FANCI: variants seen among roughly 807,000 people sequenced by gnomAD.
FANCI encodes FA complementation group I.
FANCI carries 156 observed loss-of-function variants against 176.1 expected under a neutral mutation model. That is an observed-to-expected ratio of 0.89 (90% CI 0.78 to 1.01). The LOEUF is 1.01. Ranked by LOEUF, FANCI falls within the 50% of genes least tolerant of loss-of-function variation. The pLI is 0.00. For missense variants in FANCI, 1,678 were observed against 1,534.1 expected, an observed-to-expected ratio of 1.09 and a Z score of -1.57; for synonymous variants, 613 against 541.7, an observed-to-expected ratio of 1.13 and a Z score of -1.83.
intron 37 of FANCI, 57 bp downstream of exon 37, chr15:89,315,446 A>G: frequency 2.5e-6 from 3 of 1,219,654 alleles, no homozygotes; most frequent in South Asian, 2.4e-5. Context: ...TTAGCAGCCT[A>G]TCTGGGAGCA....
intron 24 of FANCI, 130 bp downstream of exon 24, chr15:89,295,224 T>A: frequency 1.9e-6 from 2 of 1,074,688 alleles, no homozygotes; most frequent in Non-Finnish European, 2.6e-6. Context: ...TATAAAACAT[T>A]AGCCAGGTGG....
chr15:89,310,237 T>C (rs7162771), intron 34 of FANCI, among the ~76,000 whole-genome samples: 70,758 of 152,068 alleles, frequency 0.47, 17,362 homozygotes, highest in African/African-American at 0.63. Context: ...CAGCCATAGA[T>C]AACTTACAAA....
chr15:89,253,512 A>AAAATAAATAAATAAAT (rs10691127), intron 2 of FANCI, among the ~76,000 whole-genome samples: 1 of 138,582 alleles, frequency 7.2e-6, no homozygotes, highest in Non-Finnish European at 1.5e-5. Context: ...CTGTCTCTTA[A>AAAATAAATAAATAAAT]AAATAAATAA....
chr15:89,286,502 G>A (rs1356252353), intron 18 of FANCI, among the ~76,000 whole-genome samples: 1 of 152,186 alleles, frequency 6.6e-6, no homozygotes, highest in African/African-American at 2.4e-5. Context: ...TTCCATCAGA[G>A]CTCTTAGATG....
At chr15:89,292,649 A>G (rs1439205966) in intron 20 of FANCI, 39 bp from the exon 21 acceptor site, 4 of 1,594,500 alleles carry the variant, frequency 2.5e-6, no homozygotes, top group Non-Finnish European at 2.6e-6. Flanking sequence ...TTATCCATCA[A>G]CACTCAAGAG....
chr15:89,256,844 T>C (rs1308718797), intron 2 of FANCI, among the ~76,000 whole-genome samples: 1 of 152,200 alleles, frequency 6.6e-6, no homozygotes, highest in African/African-American at 2.4e-5. Flanking sequence ...AAACAGATGG[T>C]GCCACTATCC....
At chr15:89,311,700 A>G (rs148875849) in intron 34 of FANCI, among the ~76,000 whole-genome samples, 1 of 152,010 alleles carries the variant, frequency 6.6e-6, no homozygotes, top group Non-Finnish European at 1.5e-5. Context: ...GCAGTTCCTT[A>G]TTTTCCAGAA....
At chr15:89,285,705 T>C (rs2053788667) in intron 18 of FANCI, among the ~76,000 whole-genome samples, 6 of 150,812 alleles carry the variant, frequency 4.0e-5, no homozygotes, top group Admixed American at 3.3e-4. Flanking sequence ...AAATATACTA[T>C]AAATTTGCCA....
chr15:89,254,801 ACT>A (rs773610573), intron 2 of FANCI, among the ~76,000 whole-genome samples: 7 of 152,102 alleles, frequency 4.6e-5, no homozygotes, highest in East Asian at 3.9e-4. Flanking sequence ...GACAAAGAAG[ACT>A]CTGTCTCTAA....
chr15:89,258,594 G>A (rs1317256545), intron 2 of FANCI, 110 bp from the exon 3 acceptor site: 48 of 825,358 alleles, frequency 5.8e-5, no homozygotes, highest in East Asian at 4.9e-5. Context: ...AATACTTGGC[G>A]TCTCTGAATG....
chr15:89,282,407 T>G (rs2151568087), intron 16 of FANCI: 1 of 163,150 alleles, frequency 6.1e-6, no homozygotes, highest in Non-Finnish European at 1.4e-5. Context: ...TCCTAACATC[T>G]CTTCCTTTAT....
At chr15:89,260,591 CG>C in intron 3 of FANCI, 121 bp from the exon 4 acceptor site, 1 of 1,285,052 alleles carries the variant, frequency 7.8e-7, no homozygotes, top group South Asian at 1.2e-5. Flanking sequence ...TTCTAAGCAC[CG>C]TAGTAATCAG....
At chr15:89,257,684 G>A (rs896523828) in intron 2 of FANCI, among the ~76,000 whole-genome samples, 1 of 152,126 alleles carries the variant, frequency 6.6e-6, no homozygotes, top group Non-Finnish European at 1.5e-5. Context: ...TCCAAATAAG[G>A]TCACATTCTG....
chr15:89,282,911 A>G, intron 16 of FANCI: 2 of 540,690 alleles, frequency 3.7e-6, no homozygotes, highest in Non-Finnish European at 6.7e-6. Flanking sequence ...AAGGAAGTAG[A>G]GTATCATGAG....
intron 17 of FANCI, 22 bp downstream of exon 17, chr15:89,283,272 TTGCA>T (rs1438791775): frequency 1.9e-6 from 3 of 1,613,618 alleles, no homozygotes; most frequent in Non-Finnish European, 2.5e-6. Flanking sequence ...TTACGTTAAC[TTGCA>T]GTGTGTGCGT....
In FANCI at chr15:89,301,339, A is replaced by G; in HGVS notation, c.2903A>G (p.Asn968Ser). ...QIRQFQRSLLNLLSSQEEDFN... is the reference protein window; with the variant it reads ...QIRQFQRSLLSLLSSQEEDFN... ...TTCCTTTCTCAGAGGTCCTTGTTGA[A>G]TTTACTTAGCAGTCAAGAGGAAGAT... is the stretch of plus-strand genomic sequence containing the variant. Residue 968 changes from asparagine (N) to serine (S), a missense_variant, in exon 27 of 38, where the codon AAT (asparagine) becomes AGT (serine). Physicochemically the swap from Asn to Ser is conservative, Grantham distance 46 (BLOSUM62 1). Around this residue, in one of 3 missense-constraint regions of FANCI, gnomAD observed 1,204 missense variants for 1,077.4 expected, o/e 1.12. Transcript: ENST00000310775. 6.2e-7 allele frequency: 1 copy of G among 1,613,308 alleles called. No individual in the cohort carries two copies. Among genetic ancestry groups the G allele is most frequent in the African/African-American group, 1.3e-5 (1 of 74,988 alleles).
rs1323965441 is a variant in FANCI, at chr15:89,293,877, A to G, written c.2336A>G (p.Lys779Arg). 2.5e-6 allele frequency: 4 copies of G among 1,614,058 alleles called. No homozygotes were observed. The highest frequency in any genetic ancestry group is 2.7e-5 in the African/African-American group (2 of 74,934). ...EDILSLFMCYKKLSDILNEKA... is the reference protein window; with the variant it reads ...EDILSLFMCYRKLSDILNEKA... ...ATTCTGAGCTTATTTATGTGTTACAAAAAACTCTCTGACATTCTTAATGAA... is the reference window on the plus strand; with the variant it reads ...ATTCTGAGCTTATTTATGTGTTACAGAAAACTCTCTGACATTCTTAATGAA... Residue 779 changes from lysine (K) to arginine (R), a missense_variant, in exon 23 of 38, where the codon AAA (lysine) becomes AGA (arginine). Physicochemically the swap from Lys to Arg is conservative, Grantham distance 26. Around this residue, in one of 3 missense-constraint regions of FANCI, gnomAD observed 1,204 missense variants for 1,077.4 expected, o/e 1.12. Transcript: ENST00000310775.
At chr15:89,259,661 C>G (rs1346456471) in intron 3 of FANCI, among the ~76,000 whole-genome samples, 8 of 152,132 alleles carry the variant, frequency 5.3e-5, no homozygotes, top group Non-Finnish European at 8.8e-5. Flanking sequence ...AACCCCTAGT[C>G]CATTCCAGTC....
chr15:89,287,303 C>G (rs2053858111), intron 18 of FANCI, among the ~76,000 whole-genome samples: 1 of 152,188 alleles, frequency 6.6e-6, no homozygotes, highest in Non-Finnish European at 1.5e-5. Flanking sequence ...GAGATGGCTT[C>G]TTTCCTTAAA....
Sources: allele counts gnomAD v4.1 joint callset (sites outside exome capture counted in the v4.1 genomes callset), GRCh38; gene constraint gnomAD v4.1.1; regional missense constraint gnomAD v4.1.1; transcripts MANE v1.5; gene names NCBI Gene and HGNC (gene_info 2026-07-23, HGNC 2026-07-21).